The following THSD4 variants were observed in gnomAD, a reference collection of about 807,000 sequenced individuals.
THSD4 encodes thrombospondin type 1 domain containing 4.
In THSD4, 69 loss-of-function variants were observed where a neutral mutation model predicts 119.0. The ratio of observed to expected loss-of-function variants is 0.58; its 90% CI spans 0.48 to 0.71. The LOEUF (loss-of-function observed/expected upper bound fraction) is 0.71. THSD4 is among the 30% of genes least tolerant of loss of function. THSD4 has a pLI of 0.00. For missense variants in THSD4, 1,393 were observed against 1,391.1 expected (o/e 1.00, Z -0.02); for synonymous variants, 524 against 540.4 (o/e 0.97, Z 0.42).
chr15:71,560,485 G>A (rs2049095448), intron 7 of THSD4, among the ~76,000 whole-genome samples: 1 of 152,214 alleles, frequency 6.6e-6, no homozygotes, highest in South Asian at 2.1e-4. Flanking sequence ...ACACTCTTTT[G>A]TGAGATCAGG....
chr15:71,234,417 G>A (rs2044086548), intron 4 of THSD4, among the ~76,000 whole-genome samples: 1 of 152,142 alleles, frequency 6.6e-6, no homozygotes, highest in Non-Finnish European at 1.5e-5. Context: ...CAATTCTTGT[G>A]CCTCAGCCTC....
rs1329703759 is a variant in THSD4, at chr15:71,781,126, T to C, written c.*3752T>C. The C allele has an allele frequency of 5.3e-6, 1 of 189,766 alleles. No individual in the cohort carries two copies. The highest frequency in any genetic ancestry group is 1.1e-5 in the Non-Finnish European group (1 of 89,116). 11.8% of individuals were successfully genotyped at this position (189,766 alleles called of 1,614,324 possible). On this transcript the variant is annotated 3_prime_UTR_variant, in exon 18 of 18. Transcript: ENST00000261862. ...CCTTGCCATATAAAACATTTTAATATGGTTTACATGGGAAAATATCGATGG... is the reference window on the plus strand; with the variant it reads ...CCTTGCCATATAAAACATTTTAATACGGTTTACATGGGAAAATATCGATGG...
Position 71,756,165 on chromosome 15 carries a change from A to T in THSD4, c.2416-1737A>T, listed in dbSNP as rs75990043. On this transcript the variant is annotated intron_variant, in intron 14 of 17. Coordinates refer to ENST00000261862, the MANE Select transcript of THSD4 (RefSeq NM_024817.3). ...TAGCATGGAGTTCTCAACACCTGGC[A>T]GCCCAATGCATTGGAAAAGCTGGTG... Among the ~76,000 whole-genome samples the T allele has an allele frequency of 7.3e-3, 1,112 of 152,320 alleles. 9 individuals carry two copies. The highest frequency in any genetic ancestry group is 0.025 in the African/African-American group (1,051 of 41,568).
At chr15:71,370,120 C>T (rs528176220) in intron 6 of THSD4, among the ~76,000 whole-genome samples, 28 of 151,970 alleles carry the variant, frequency 1.8e-4, no homozygotes, top group East Asian at 1.2e-3. Context: ...GTGGGATCAG[C>T]GGTGATATCC....
chr15:71,408,393 C>T (rs1160309447), intron 6 of THSD4, among the ~76,000 whole-genome samples: 4 of 152,080 alleles, frequency 2.6e-5, no homozygotes, highest in African/African-American at 9.7e-5. Context: ...CCCTCACGCC[C>T]ACCTAATTTT....
chr15:71,555,321 CA>C (rs1383548743), intron 7 of THSD4, among the ~76,000 whole-genome samples: 2 of 152,172 alleles, frequency 1.3e-5, no homozygotes, highest in Non-Finnish European at 2.9e-5. Context: ...TAGGCATTAT[CA>C]GACAGGTTAA....
At chr15:71,236,582 G>A (rs2044107487) in intron 4 of THSD4, among the ~76,000 whole-genome samples, 1 of 152,212 alleles carries the variant, frequency 6.6e-6, no homozygotes, top group Non-Finnish European at 1.5e-5. Flanking sequence ...AAATTAAACA[G>A]GCACAATAAT....
intron 6 of THSD4, among the ~76,000 whole-genome samples, chr15:71,296,171 A>G (rs1252766378): frequency 6.6e-6 from 1 of 152,210 alleles, no homozygotes; most frequent in East Asian, 1.9e-4. Context: ...GTATATACCT[A>G]GAAGTGGAAT....
chr15:71,475,281 T>G lies in THSD4; in HGVS notation c.1152+63458T>G, dbSNP rs979908635. On this transcript the variant is annotated intron_variant, in intron 7 of 17. Transcript: ENST00000261862. Reference sequence around the variant, plus strand: ...GTGTGAGTTTATTAGAGGAATAAATTCCTTTAAATAGCATTTTTGTGGAAA... The same window carrying G: ...GTGTGAGTTTATTAGAGGAATAAATGCCTTTAAATAGCATTTTTGTGGAAA... Among the ~76,000 whole-genome samples, 3 of 152,252 alleles carry G rather than the reference T, an allele frequency of 2.0e-5. No individual in the cohort carries two copies. In the South Asian group the frequency reaches 6.2e-4, roughly 32 times the overall value.
chr15:71,247,643 G>A (rs1397334099), intron 5 of THSD4, among the ~76,000 whole-genome samples: 2 of 152,144 alleles, frequency 1.3e-5, no homozygotes, highest in African/African-American at 2.4e-5. Context: ...GGGCTGAGGA[G>A]CAAGAAGGAG....
At chr15:71,567,866 C>T (rs1178082099) in intron 7 of THSD4, among the ~76,000 whole-genome samples, 4 of 151,898 alleles carry the variant, frequency 2.6e-5, no homozygotes, top group Non-Finnish European at 4.4e-5. Flanking sequence ...TGATTTTGTC[C>T]ATTTGGAAGC....
At chr15:71,702,690 C>T (rs551877898) in intron 8 of THSD4, among the ~76,000 whole-genome samples, 5 of 152,314 alleles carry the variant, frequency 3.3e-5, no homozygotes, top group South Asian at 2.1e-4. Context: ...CTTCTGACCA[C>T]GGGGCCTTTG....
intron 7 of THSD4, among the ~76,000 whole-genome samples, chr15:71,633,913 A>T (rs956084099): frequency 1.3e-5 from 2 of 152,200 alleles, no homozygotes; most frequent in African/African-American, 4.8e-5. Context: ...CTGGCTGGGC[A>T]CGGTGGCTCA....
intron 7 of THSD4, among the ~76,000 whole-genome samples, chr15:71,563,842 G>A (rs750408972): frequency 1.2e-4 from 18 of 152,008 alleles, no homozygotes; most frequent in South Asian, 6.2e-4. Flanking sequence ...TCTTTATCCC[G>A]TGTGACAAAT....
intron 7 of THSD4, among the ~76,000 whole-genome samples, chr15:71,508,669 A>G (rs965536555): frequency 7.9e-5 from 12 of 152,232 alleles, no homozygotes. Context: ...TCTTCTGAGT[A>G]GAGAAGTGAG....
intron 7 of THSD4, among the ~76,000 whole-genome samples, chr15:71,455,349 G>A (rs946176732): frequency 1.3e-5 from 2 of 152,156 alleles, no homozygotes; most frequent in African/African-American, 4.8e-5. Flanking sequence ...TCATGTAGTC[G>A]TGTTTACTGA....
At chr15:71,442,455 G>A (rs1393073126) in intron 7 of THSD4, among the ~76,000 whole-genome samples, 1 of 149,390 alleles carries the variant, frequency 6.7e-6, no homozygotes, top group Non-Finnish European at 1.5e-5. Flanking sequence ...TGTAATCCCA[G>A]CTACTTGGGA....
At chr15:71,626,793 C>T (rs1331381662) in intron 7 of THSD4, among the ~76,000 whole-genome samples, 2 of 152,084 alleles carry the variant, frequency 1.3e-5, no homozygotes, top group African/African-American at 2.4e-5. Flanking sequence ...GTAGCATTGA[C>T]GTGTTATTTT....
intron 7 of THSD4, among the ~76,000 whole-genome samples, chr15:71,442,585 T>A (rs368589334): frequency 0.026 from 683 of 25,968 alleles, 88 homozygotes; most frequent in African/African-American, 0.045. Flanking sequence ...AAAAAATATA[T>A]ATATATATAT....
Sources: allele counts gnomAD v4.1 joint callset (sites outside exome capture counted in the v4.1 genomes callset), GRCh38; gene constraint gnomAD v4.1.1; transcripts MANE v1.5; gene names NCBI Gene and HGNC (gene_info 2026-07-23, HGNC 2026-07-21).